The following PES1 variants were observed in gnomAD, a reference collection of about 807,000 sequenced individuals.
PES1 encodes the protein pescadillo homolog.
In PES1, 31 loss-of-function variants were observed where a neutral mutation model predicts 77.1. The ratio of observed to expected loss-of-function variants is 0.40; its 90% CI spans 0.30 to 0.54. The LOEUF is 0.54. Among genes scored for constraint, PES1 ranks in the 20% least tolerant of loss-of-function variants. The pLI, the probability that PES1 is intolerant of heterozygous loss-of-function variation, is 0.45. For synonymous variants in PES1, 282 were observed against 303.0 expected, an observed-to-expected ratio of 0.93 and a Z score of 0.72; for missense variants, 658 against 771.7, an observed-to-expected ratio of 0.85 and a Z score of 1.75.
At chr22:30,585,208 T>A (rs192138745) in intron 4 of PES1, 43 of 468,432 alleles carry the variant, frequency 9.2e-5, no homozygotes, top group African/African-American at 7.6e-4. Flanking sequence ...GCGTAGGTTA[T>A]GTCTTCCATG....
chr22:30,579,753 G>C lies in PES1; in HGVS notation c.1352C>G (p.Pro451Arg). Reference sequence around the variant, plus strand: ...CAGCCCAGTCCCATCCCGCTCACCTGGGTCCTCTCCCCGCTGCAGAGCCAG... The same window carrying C: ...CAGCCCAGTCCCATCCCGCTCACCTCGGTCCTCTCCCCGCTGCAGAGCCAG... Reference protein sequence around the residue: ...KLLALQRGEDPGNLNESEEEE... With the variant: ...KLLALQRGEDRGNLNESEEEE... The change falls in exon 12 of 15, where the codon CCA becomes CGA. Residue 451 changes from proline to arginine, a missense_variant and splice_region_variant. By Grantham distance (103) the Pro-to-Arg change is moderately radical (BLOSUM62 -2). Coordinates refer to ENST00000354694, the MANE Select transcript of PES1 (RefSeq NM_014303.4). The C allele has an allele frequency of 6.2e-7, 1 of 1,613,702 alleles. No individual in the cohort carries two copies. Among genetic ancestry groups the C allele is most frequent in the Middle Eastern group, 1.7e-4 (1 of 6,008 alleles).
chr22:30,603,403 A>T (rs1227878958), intron 2 of PES1, among the ~76,000 whole-genome samples: 1 of 151,130 alleles, frequency 6.6e-6, no homozygotes, highest in Non-Finnish European at 1.5e-5. Context: ...TTTCTCCGAG[A>T]TGGGGTCTTG....
Position 30,589,227 on chromosome 22 carries a change from G to C in PES1, c.68C>G (p.Ala23Gly). Residue 23 changes from alanine to glycine, a missense_variant, in exon 2 of 15, where the codon GCC (alanine) becomes GGC (glycine). Ala to Gly is a moderately conservative substitution (Grantham distance 60, BLOSUM62 0). Transcript: ENST00000354694. ...CAAGCTCAGCTGGAGCTTCTTCCGG[G>C]CTTTGTTCCGGGTGATGTAGTTGGT... ...SATNYITRNK[A>G]RKKLQLSLAD... The C allele has an allele frequency of 6.2e-7, 1 of 1,614,036 alleles. No homozygotes were observed.
intron 1 of PES1, among the ~76,000 whole-genome samples, chr22:30,606,253 CAG>C (rs758134132): frequency 6.6e-6 from 1 of 152,052 alleles, no homozygotes; most frequent in Non-Finnish European, 1.5e-5. Flanking sequence ...ATTTTTGAGA[CAG>C]GGTCTCACTT....
At chr22:30,599,932 A>AAT (rs750605257) in intron 2 of PES1, among the ~76,000 whole-genome samples, 2 of 152,172 alleles carry the variant, frequency 1.3e-5, no homozygotes, top group Non-Finnish European at 2.9e-5. Context: ...AAAATAAATG[A>AAT]ATATATATGA....
At chr22:30,599,418 G>A (rs147468475) in intron 2 of PES1, among the ~76,000 whole-genome samples, 1 of 152,104 alleles carries the variant, frequency 6.6e-6, no homozygotes, top group East Asian at 1.9e-4. Flanking sequence ...GTGATTTTTT[G>A]ATAAATATGA....
Position 30,587,308 on chromosome 22 carries a change from G to C in PES1, c.346C>G (p.Leu116Val). 6.2e-7 allele frequency: 1 copy of C among 1,613,002 alleles called. No homozygotes were observed. Among genetic ancestry groups the C allele is most frequent in the Non-Finnish European group, 8.5e-7 (1 of 1,179,194 alleles). ...RLKDNKPNYKLDHIIKERYPT... is the reference protein window; with the variant it reads ...RLKDNKPNYKVDHIIKERYPT... ...CACCGTTCCTTGATGATGTGGTCGAGTTTGTAGTTGGGCTTATTGTCCTTT... is the reference window on the plus strand; with the variant it reads ...CACCGTTCCTTGATGATGTGGTCGACTTTGTAGTTGGGCTTATTGTCCTTT... Residue 116 changes from leucine (L) to valine (V), a missense_variant, in exon 4 of 15, where the codon CTC becomes GTC. Leu to Val is a conservative substitution (Grantham distance 32, BLOSUM62 1). Coordinates refer to ENST00000354694, the MANE Select transcript of PES1 (RefSeq NM_014303.4).
intron 2 of PES1, among the ~76,000 whole-genome samples, chr22:30,588,776 C>CT (rs1284108818): frequency 6.6e-6 from 1 of 150,966 alleles, no homozygotes; most frequent in East Asian, 1.9e-4. Context: ...GAGTGAGACT[C>CT]TGTCTCCGGG....
upstream of PES1, among the ~76,000 whole-genome samples, chr22:30,596,647 C>G (rs1450763443): frequency 2.0e-5 from 3 of 152,366 alleles, no homozygotes; most frequent in Non-Finnish European, 2.9e-5. Context: ...TTGGACCCAA[C>G]CATCTTTTAT....
chr22:30,598,881 T>TA (rs796609688), intron 2 of PES1, among the ~76,000 whole-genome samples: 17 of 135,040 alleles, frequency 1.3e-4, no homozygotes, highest in African/African-American at 4.8e-4. Flanking sequence ...GTGACTTAAG[T>TA]AAAATTTTTT....
chr22:30,592,909 A>T (rs1455861944), upstream of PES1, among the ~76,000 whole-genome samples: 4 of 152,260 alleles, frequency 2.6e-5, no homozygotes, highest in Non-Finnish European at 5.9e-5. Flanking sequence ...ATTTATACAA[A>T]TAGTCACATC....
intron 2 of PES1, among the ~76,000 whole-genome samples, chr22:30,602,093 T>C (rs959044477): frequency 2.0e-5 from 3 of 151,990 alleles, no homozygotes; most frequent in Admixed American, 6.6e-5. Context: ...TTCTTTTTTT[T>C]CTGATGTGGT....
intron 2 of PES1, among the ~76,000 whole-genome samples, chr22:30,599,494 C>T (rs188718003): frequency 9.9e-4 from 150 of 152,212 alleles, no homozygotes; most frequent in Middle Eastern, 3.4e-3. Flanking sequence ...AAAATAAGTA[C>T]GTATTTTAAG....
chr22:30,590,653 T>C (rs748099771), intron 1 of PES1, among the ~76,000 whole-genome samples: 3 of 152,150 alleles, frequency 2.0e-5, no homozygotes, highest in Non-Finnish European at 2.9e-5. Flanking sequence ...CTCAATGGGG[T>C]ACTCCCTGGG....
chr22:30,603,624 C>T (rs918061158), intron 2 of PES1, among the ~76,000 whole-genome samples: 1 of 152,104 alleles, frequency 6.6e-6, no homozygotes, highest in South Asian at 2.1e-4. Context: ...TCAGGTGATC[C>T]ACCCGCCTCG....
intron 14 of PES1, among the ~76,000 whole-genome samples, chr22:30,577,823 GC>G (rs1357411458): frequency 1.3e-5 from 2 of 152,170 alleles, no homozygotes; most frequent in Admixed American, 6.5e-5. Context: ...TTTCAAAACT[GC>G]AGCAATTATG....
At chr22:30,581,685 G>T in intron 6 of PES1, 41 bp from the exon 7 acceptor site, 2 of 1,392,764 alleles carry the variant, frequency 1.4e-6, no homozygotes, top group Non-Finnish European at 2.0e-6. Context: ...TGGGTGCAGG[G>T]ATGGGGGCAA....
At chr22:30,581,710 A>G in intron 6 of PES1, 66 bp from the exon 7 acceptor site, 1 of 1,115,870 alleles carries the variant, frequency 9.0e-7, no homozygotes, top group East Asian at 2.4e-5. Flanking sequence ...GGGACAGACA[A>G]CCCACAGAGT....
rs2086941294 is a variant in PES1, at chr22:30,578,979, C to G, written c.1541G>C (p.Gly514Ala). 6.2e-7 allele frequency: 1 copy of G among 1,611,452 alleles called. No individual in the cohort carries two copies. Among genetic ancestry groups the G allele is most frequent in the African/African-American group, 1.3e-5 (1 of 74,932 alleles). The change falls in exon 14 of 15, where the codon GGC (glycine) becomes GCC (alanine). Residue 514 changes from glycine to alanine, a missense_variant. Coordinates refer to ENST00000354694, the MANE Select transcript of PES1 (RefSeq NM_014303.4). ...MEGKKPRVMA[G>A]TLKLEDKQRL... ...CTGCTTATCCTCCAGCTTCAAGGTG[C>G]CTGCCATCACCCTGGGCTTCTGGGG...
Sources: gnomAD v4.1 joint callset for allele counts (sites outside exome capture counted in the v4.1 genomes callset) on GRCh38, gnomAD v4.1.1 for gene constraint, MANE v1.5 for transcripts, NCBI Gene and HGNC (gene_info 2026-07-23, HGNC 2026-07-21) for gene names.